Variants in OPHN1 observed in about 807,000 individuals in gnomAD.
OPHN1 encodes oligophrenin 1, also known as oligophrenin-1.
In OPHN1, 11 loss-of-function variants were observed where a neutral mutation model predicts 60.7. The observed-to-expected ratio is 0.18, with a 90% CI of 0.11 to 0.30. The LOEUF (loss-of-function observed/expected upper bound fraction) is 0.30. Among genes scored for constraint, OPHN1 ranks in the 10% least tolerant of loss-of-function variants. OPHN1 has a pLI of 1.00. For synonymous variants in OPHN1, 226 were observed against 222.6 expected, an observed-to-expected ratio of 1.02 and a Z score of -0.14; for missense variants, 449 against 611.0, an observed-to-expected ratio of 0.73 and a Z score of 2.80.
chrX:68,086,588 A>G (rs1260141391), intron 19 of OPHN1, among the ~76,000 whole-genome samples: 1 of 112,324 alleles, frequency 8.9e-6, no homozygotes, highest in Non-Finnish European at 1.9e-5. Flanking sequence ...CTTGAAGGAC[A>G]TGATTGAACA....
At chrX:68,268,459 C>A (rs1009022944) in intron 5 of OPHN1, among the ~76,000 whole-genome samples, 1 of 111,752 alleles carries the variant, frequency 8.9e-6, no homozygotes, top group Non-Finnish European at 1.9e-5. Context: ...TAAACGTAAT[C>A]CAGCATATAA....
intron 15 of OPHN1, among the ~76,000 whole-genome samples, chrX:68,189,599 A>G (rs774274218): frequency 8.5e-4 from 93 of 108,996 alleles, no homozygotes; most frequent in African/African-American, 3.0e-3. Context: ...AGATAATCAG[A>G]TTGGCTTCTC....
At chrX:68,413,620 G>A (rs917563906) in intron 2 of OPHN1, among the ~76,000 whole-genome samples, 4 of 111,281 alleles carry the variant, frequency 3.6e-5, no homozygotes, top group Non-Finnish European at 5.7e-5. Flanking sequence ...AGAAATCCTA[G>A]ATAGGGCAGG....
At chrX:68,123,744 C>CA (rs970700008) in intron 15 of OPHN1, among the ~76,000 whole-genome samples, 1 of 109,937 alleles carries the variant, frequency 9.1e-6, no homozygotes, top group Non-Finnish European at 1.9e-5. Context: ...AATGGATACA[C>CA]AAAAAATAAA....
At chrX:68,088,110 G>A (rs1900704616) in intron 19 of OPHN1, among the ~76,000 whole-genome samples, 2 of 111,299 alleles carry the variant, frequency 1.8e-5, no homozygotes, top group African/African-American at 6.5e-5. Context: ...GAAAATCGAT[G>A]TCCAAAGAGG....
intron 7 of OPHN1, among the ~76,000 whole-genome samples, chrX:68,213,000 T>C (rs1384672987): frequency 8.9e-6 from 1 of 112,340 alleles, no homozygotes; most frequent in African/African-American, 3.2e-5. Flanking sequence ...ATTAGAAATG[T>C]TTCACAGGGT....
At chrX:68,240,451 C>T (rs781524416) in intron 5 of OPHN1, among the ~76,000 whole-genome samples, 1 of 111,123 alleles carries the variant, frequency 9.0e-6, no homozygotes, top group Admixed American at 9.6e-5. Context: ...TAATATATAT[C>T]CGTCTACTCA....
At chrX:68,228,722 T>TA (rs1212887622) in intron 6 of OPHN1, among the ~76,000 whole-genome samples, 5 of 111,422 alleles carry the variant, frequency 4.5e-5, no homozygotes, top group African/African-American at 1.6e-4. Context: ...CCATTCATGC[T>TA]AAAAACTCTA....
In OPHN1 at chrX:68,096,181, A is replaced by G. The variant is rs1037645691; in HGVS notation, c.1686+689T>C. ...AGGTCATTCCAGAGGTACCCTCCCT[A>G]TAACTGAAGGAAAAGAACATCCCTA... On this transcript the variant is annotated intron_variant, in intron 19 of 24. Coordinates refer to ENST00000355520, the MANE Select transcript of OPHN1 (RefSeq NM_002547.3). Among the ~76,000 whole-genome samples, 4 of 111,189 alleles carry G rather than the reference A, an allele frequency of 3.6e-5. No individual in the cohort carries two copies. The Admixed American group carries it at 3.8e-4, about 11-fold the overall frequency.
chrX:68,382,260 T>A (rs1171082307), intron 2 of OPHN1, among the ~76,000 whole-genome samples: 1 of 110,261 alleles, frequency 9.1e-6, no homozygotes, highest in African/African-American at 3.3e-5. Flanking sequence ...GGCAGGAAAA[T>A]CACTTGAATC....
In OPHN1 at chrX:68,113,257, T is replaced by C. The variant is rs200233562; in HGVS notation, c.1362-18A>G. On this transcript the variant is annotated intron_variant, in intron 16 of 24. Transcript: ENST00000355520. The stretch of plus-strand genomic sequence containing the variant: ...AAAGATTCCTGAAATGAATGAAAAT[T>C]GTCAGTTGCTTTGGGAAGAAAGCAG... 29 of 1,187,638 alleles carry C rather than the reference T, an allele frequency of 2.4e-5. No homozygotes were observed. The East Asian group carries it at 8.3e-4, about 34-fold the overall frequency.
intron 5 of OPHN1, among the ~76,000 whole-genome samples, chrX:68,253,308 G>A (rs954838896): frequency 2.7e-5 from 3 of 111,454 alleles, no homozygotes; most frequent in Admixed American, 9.6e-5. Context: ...GGCTAAAGCA[G>A]GAATGGGTTA....
chrX:68,264,758 C>A (rs2077913906), intron 5 of OPHN1, among the ~76,000 whole-genome samples: 1 of 112,317 alleles, frequency 8.9e-6, no homozygotes, highest in African/African-American at 3.2e-5. Context: ...TGCAAGGGGT[C>A]AGGGAATTCC....
At chrX:68,192,534 G>A (rs1017060931) in intron 15 of OPHN1, among the ~76,000 whole-genome samples, 1 of 109,820 alleles carries the variant, frequency 9.1e-6, no homozygotes, top group African/African-American at 3.3e-5. Flanking sequence ...TGGAAGTCAC[G>A]AAGTCATGTA....
intron 2 of OPHN1, among the ~76,000 whole-genome samples, chrX:68,421,454 GTTTGTTT>G (rs2078825953): frequency 9.0e-6 from 1 of 111,378 alleles, no homozygotes; most frequent in African/African-American, 3.3e-5. Flanking sequence ...AATGCTCCAG[GTTTGTTT>G]TTTGTTTTTT....
At chrX:68,203,826 TCTTA>T (rs1308338948) in intron 10 of OPHN1, among the ~76,000 whole-genome samples, 8 of 112,478 alleles carry the variant, frequency 7.1e-5, no homozygotes, top group South Asian at 3.7e-4. Flanking sequence ...CTGACTAAAC[TCTTA>T]CTTATTCTGC....
chrX:68,103,666 G>A (rs898412734), intron 18 of OPHN1, among the ~76,000 whole-genome samples: 5 of 107,227 alleles, frequency 4.7e-5, no homozygotes, highest in African/African-American at 6.8e-5. Flanking sequence ...TTGATGGAAC[G>A]TATCTCAAAA....
intron 15 of OPHN1, among the ~76,000 whole-genome samples, chrX:68,186,114 G>T (rs1475537911): frequency 9.0e-6 from 1 of 111,191 alleles, no homozygotes. Context: ...TTTATTTTGG[G>T]AGAAAAATAT....
intron 2 of OPHN1, among the ~76,000 whole-genome samples, chrX:68,318,871 C>T (rs1385166300): frequency 9.0e-6 from 1 of 111,377 alleles, no homozygotes; most frequent in Non-Finnish European, 1.9e-5. Flanking sequence ...TGGAGAATGT[C>T]TCTCAATTAA....
Sources: allele counts gnomAD v4.1 joint callset (sites outside exome capture counted in the v4.1 genomes callset), GRCh38; gene constraint gnomAD v4.1.1; transcripts MANE v1.5; gene names NCBI Gene and HGNC (gene_info 2026-07-23, HGNC 2026-07-21).